Variants in PLCH1 observed in about 807,000 individuals in gnomAD.
PLCH1 encodes phospholipase C eta 1, also known as 1-phosphatidylinositol 4,5-bisphosphate phosphodiesterase eta-1.
A neutral mutation model predicts 126.7 loss-of-function variants in PLCH1; 60 were observed. That is an observed-to-expected ratio of 0.47 (90% CI 0.38 to 0.59). The LOEUF is 0.59. Among genes scored for constraint, PLCH1 ranks in the 20% least tolerant of loss-of-function variants. PLCH1 has a pLI of 0.00. For missense variants in PLCH1, 1,723 were observed against 2,040.0 expected (o/e 0.84, Z 2.99); for synonymous variants, 719 against 734.9 (o/e 0.98, Z 0.35).
intron 2 of PLCH1, among the ~76,000 whole-genome samples, chr3:155,691,005 T>A (rs1054531227): frequency 6.6e-6 from 1 of 152,158 alleles, no homozygotes; most frequent in Non-Finnish European, 1.5e-5. Flanking sequence ...TAAGGGCAAC[T>A]CACACTGTGT....
rs775522521 is a variant in PLCH1 at position 155,494,253 on chromosome 3, G to A, written c.2075-5C>T. 1 of 1,612,668 alleles carries A rather than the reference G, an allele frequency of 6.2e-7. No homozygotes were observed. The highest frequency in any genetic ancestry group is 2.2e-5 in the East Asian group (1 of 44,866). On this transcript the variant is annotated splice_polypyrimidine_tract_variant and splice_region_variant and intron_variant, in intron 16 of 22. Coordinates refer to ENST00000460012, the MANE Select transcript of PLCH1 (RefSeq NM_014996.4). ...CAGATTGATAATTCAGTGCCACTGT[G>A]CAAGTTGAAAGTGGGAGAGAATTAG...
intron 2 of PLCH1, among the ~76,000 whole-genome samples, chr3:155,681,671 A>G (rs1264483672): frequency 6.6e-6 from 1 of 152,202 alleles, no homozygotes; most frequent in Non-Finnish European, 1.5e-5. Flanking sequence ...TACAGAGGAA[A>G]CCCAAAATCA....
intron 2 of PLCH1, among the ~76,000 whole-genome samples, chr3:155,639,057 G>T (rs1050457043): frequency 1.3e-5 from 2 of 152,090 alleles, no homozygotes. Flanking sequence ...ACCTTAAACA[G>T]TGTAGATAAC....
In PLCH1 at chr3:155,547,390, A is replaced by G. The variant is rs573891876; in HGVS notation, c.1362+2397T>C. On this transcript the variant is annotated intron_variant, in intron 10 of 22. Coordinates refer to ENST00000460012, the MANE Select transcript of PLCH1 (RefSeq NM_014996.4). ...GCAATCATTAAAAAGTCAGGAAACA[A>G]CAGGTGCTGGAGAGGATGTGGAGAA... Among the ~76,000 whole-genome samples, 4 of 143,816 alleles carry G rather than the reference A, an allele frequency of 2.8e-5. No homozygotes were observed. The South Asian group carries it at 9.5e-4, about 34-fold the overall frequency. 94.3% of individuals were successfully genotyped at this position (143,816 alleles called of 152,430 possible). A position where few individuals can be genotyped will look rare whatever the true frequency, so the allele number is the denominator to read the frequency against.
intron 10 of PLCH1, among the ~76,000 whole-genome samples, chr3:155,532,377 G>A (rs1385434476): frequency 9.6e-5 from 14 of 146,244 alleles, no homozygotes; most frequent in Admixed American, 9.3e-4. Flanking sequence ...AGTGTGAGGA[G>A]GGAAGATCCA....
intron 2 of PLCH1, among the ~76,000 whole-genome samples, chr3:155,687,972 C>T (rs358909): frequency 0.38 from 57,767 of 152,064 alleles, 12,489 homozygotes; most frequent in East Asian, 0.65. Flanking sequence ...AATTACCATA[C>T]AGTGAAATCC....
chr3:155,651,691 C>T (rs1740732683), intron 2 of PLCH1, among the ~76,000 whole-genome samples: 1 of 152,126 alleles, frequency 6.6e-6, no homozygotes, highest in Non-Finnish European at 1.5e-5. Flanking sequence ...TACTTTGTTT[C>T]CAGATAGCTT....
intron 2 of PLCH1, chr3:155,658,346 T>C: frequency 5.9e-6 from 1 of 168,746 alleles, no homozygotes. Flanking sequence ...ACACCAGAAA[T>C]TTGTCATCAC....
chr3:155,648,674 T>C (rs1740332584), intron 2 of PLCH1, among the ~76,000 whole-genome samples: 1 of 152,172 alleles, frequency 6.6e-6, no homozygotes, highest in Non-Finnish European at 1.5e-5. Context: ...GCAGGGGTGA[T>C]GGACATGAAA....
chr3:155,730,062 A>C (rs1748647394), intron 1 of PLCH1, among the ~76,000 whole-genome samples: 1 of 152,158 alleles, frequency 6.6e-6, no homozygotes, highest in African/African-American at 2.4e-5. Context: ...CTGGTGGTAA[A>C]ATTAAGAATT....
intron 1 of PLCH1, among the ~76,000 whole-genome samples, chr3:155,737,041 G>C (rs1350289053): frequency 2.0e-5 from 3 of 151,630 alleles, no homozygotes; most frequent in Admixed American, 6.6e-5. Context: ...ACCAGCCTGG[G>C]CAACACGGTG....
rs147521440 is a variant in PLCH1 at position 155,681,176 on chromosome 3, C to G, written c.79+22970G>C. On this transcript the variant is annotated intron_variant, in intron 2 of 22. Coordinates refer to ENST00000460012, the MANE Select transcript of PLCH1 (RefSeq NM_014996.4). Reference sequence around the variant, plus strand: ...AACCAGCATTTATTTCTTTTATACTCAGAAAAAAATAACATTATTTTTTAA... The same window carrying G: ...AACCAGCATTTATTTCTTTTATACTGAGAAAAAAATAACATTATTTTTTAA... Among the ~76,000 whole-genome samples, 1,064 of 152,000 alleles carry G rather than the reference C, an allele frequency of 7.0e-3. 6 individuals carry two copies. Among genetic ancestry groups the G allele is most frequent in the South Asian group, 0.021 (103 of 4,812 alleles).
At chr3:155,620,867 C>G (rs1449120030) in intron 2 of PLCH1, among the ~76,000 whole-genome samples, 1 of 152,204 alleles carries the variant, frequency 6.6e-6, no homozygotes, top group Non-Finnish European at 1.5e-5. Context: ...ACCTGACAGC[C>G]CTGAAGAGAG....
chr3:155,529,768 T>TGTTTTGTTTC (rs1337196019), intron 10 of PLCH1, among the ~76,000 whole-genome samples: 4 of 151,818 alleles, frequency 2.6e-5, no homozygotes, highest in Non-Finnish European at 5.9e-5. Context: ...TTTTTTGTTT[T>TGTTTTGTTTC]GTTTTGTTTT....
intron 6 of PLCH1, among the ~76,000 whole-genome samples, chr3:155,580,596 A>G (rs1730540256): frequency 6.6e-6 from 1 of 152,158 alleles, no homozygotes; most frequent in African/African-American, 2.4e-5. Flanking sequence ...TGACTCTCAA[A>G]TGAAAATCAC....
At chr3:155,543,954 T>C (rs1724799635) in intron 10 of PLCH1, among the ~76,000 whole-genome samples, 1 of 151,890 alleles carries the variant, frequency 6.6e-6, no homozygotes. Flanking sequence ...GTAAAGACCA[T>C]CGAGGCTAGG....
intron 1 of PLCH1, among the ~76,000 whole-genome samples, chr3:155,722,506 T>C (rs1748030150): frequency 6.6e-6 from 1 of 152,136 alleles, no homozygotes; most frequent in Non-Finnish European, 1.5e-5. Flanking sequence ...TCTATGGCAA[T>C]TTTGCTGAGG....
In PLCH1 at chr3:155,471,035, C is replaced by G. The variant is rs535168949; in HGVS notation, c.2938+14321G>C. Among the ~76,000 whole-genome samples the G allele has an allele frequency of 1.6e-3, 234 of 150,868 alleles. 3 individuals are homozygous for G. Among genetic ancestry groups the G allele is most frequent in the African/African-American group, 5.4e-3 (222 of 40,872 alleles). On this transcript the variant is annotated intron_variant, in intron 21 of 21. Transcript: ENST00000494598. ...TGCATCAACTAACGAGCAAAATAAC[C>G]AGCTAACATCATAATGACAGGATCA...
At chr3:155,620,406 G>A (rs1035146538) in intron 2 of PLCH1, among the ~76,000 whole-genome samples, 1 of 152,198 alleles carries the variant, frequency 6.6e-6, no homozygotes, top group African/African-American at 2.4e-5. Flanking sequence ...CCTATGATTG[G>A]TGTGGTTTTT....
Sources: gnomAD v4.1 joint callset for allele counts (sites outside exome capture counted in the v4.1 genomes callset) on GRCh38, gnomAD v4.1.1 for gene constraint, MANE v1.5 for transcripts, NCBI Gene and HGNC (gene_info 2026-07-23, HGNC 2026-07-21) for gene names.